Variants in FAM171A1 observed in about 807,000 individuals in gnomAD.
FAM171A1 encodes the protein family with sequence similarity 171 member A1, also known as protein FAM171A1.
A neutral mutation model predicts 74.9 loss-of-function variants in FAM171A1; 23 were observed. The observed-to-expected ratio is 0.31, with a 90% CI of 0.22 to 0.44. FAM171A1 has a LOEUF of 0.44. Among genes scored for constraint, FAM171A1 ranks in the 20% least tolerant of loss-of-function variants. The pLI, the probability that FAM171A1 is intolerant of heterozygous loss-of-function variation, is 1.00. For synonymous variants in FAM171A1, 527 were observed against 505.7 expected (o/e 1.04, Z -0.57); for missense variants, 1,162 against 1,159.2 (o/e 1.00, Z -0.03).
At chr10:15,345,560 T>C (rs1489896022) in intron 1 of FAM171A1, among the ~76,000 whole-genome samples, 5 of 152,064 alleles carry the variant, frequency 3.3e-5, no homozygotes, top group East Asian at 3.9e-4. Context: ...TCAGTGAGGA[T>C]ATCCAGACAA....
intron 1 of FAM171A1, among the ~76,000 whole-genome samples, chr10:15,343,414 C>T (rs543338978): frequency 2.0e-5 from 3 of 152,204 alleles, no homozygotes; most frequent in Non-Finnish European, 2.9e-5. Flanking sequence ...CAATCCAGGG[C>T]GGGAAGTGTC....
intron 5 of FAM171A1, among the ~76,000 whole-genome samples, chr10:15,235,047 C>G (rs944177117): frequency 6.6e-6 from 1 of 152,108 alleles, no homozygotes; most frequent in African/African-American, 2.4e-5. Context: ...TGGTGTCTCA[C>G]GCCTGTAATC....
rs777503257 is a variant in FAM171A1 at position 15,288,813 on chromosome 10, C to CCTTTT, written c.98-4709_98-4708insAAAAG. The stretch of plus-strand genomic sequence containing the variant: ...AAAATGTCAGTATGATTCGGTAATT[C>CCTTTT]TTTTTTTTTTTTTTTTTTTTTTTTT... On this transcript the variant is annotated intron_variant, in intron 1 of 7. Coordinates refer to ENST00000378116, the MANE Select transcript of FAM171A1 (RefSeq NM_001010924.2). Among the ~76,000 whole-genome samples the CCTTTT allele has an allele frequency of 5.0e-3, 369 of 73,688 alleles. 12 individuals are homozygous for CCTTTT. The highest frequency in any genetic ancestry group is 0.016 in the African/African-American group (341 of 20,800). 48.3% of individuals were successfully genotyped at this position (73,688 alleles called of 152,430 possible).
rs553654008 is a variant in FAM171A1 at position 15,354,983 on chromosome 10, T to C, written c.97+15973A>G. 3.3e-5 allele frequency among the ~76,000 whole-genome samples: 5 copies of C among 152,368 alleles called. No homozygotes were observed. In the South Asian group the frequency reaches 1.0e-3, roughly 32 times the overall value. On this transcript the variant is annotated intron_variant, in intron 1 of 7. Transcript: ENST00000378116. The stretch of plus-strand genomic sequence containing the variant: ...TGCTTAGAACTTAACCTTTAAAAGT[T>C]ATGAGAATACTTTGAAGAAATGAGT...
chr10:15,216,482 G>A (rs375031061), intron 6 of FAM171A1, among the ~76,000 whole-genome samples: 1 of 151,796 alleles, frequency 6.6e-6, no homozygotes, highest in South Asian at 2.1e-4. Context: ...CCAGGCTGGA[G>A]CGCAGTGATA....
chr10:15,323,012 C>T (rs1342023816), intron 1 of FAM171A1, among the ~76,000 whole-genome samples: 6 of 151,250 alleles, frequency 4.0e-5, no homozygotes, highest in Non-Finnish European at 7.4e-5. Context: ...TGGTGGTGCA[C>T]GCCTATAATC....
At position 15,214,243 on chromosome 10, in the gene FAM171A1, G is replaced by T. The variant is rs1042428606; in HGVS notation, c.1345C>A (p.Pro449Thr). ...KSQISFDNLT[P>T]SGTLGKDYHK... ...TAGTCTTTCCCCAGCGTCCCACTTGGAGTGAGGTTATCAAAGGAGATCTGG... is the reference window on the plus strand; with the variant it reads ...TAGTCTTTCCCCAGCGTCCCACTTGTAGTGAGGTTATCAAAGGAGATCTGG... The change falls in exon 8 of 8, where the codon CCA becomes ACA. Residue 449 changes from proline (P) to threonine (T), a missense_variant. Transcript: ENST00000378116. 6.2e-7 allele frequency: 1 copy of T among 1,614,146 alleles called. No homozygotes were observed. Among genetic ancestry groups the T allele is most frequent in the Non-Finnish European group, 8.5e-7 (1 of 1,180,006 alleles).
intron 1 of FAM171A1, among the ~76,000 whole-genome samples, chr10:15,310,622 G>A (rs1428470061): frequency 2.6e-5 from 4 of 152,062 alleles, no homozygotes; most frequent in Admixed American, 6.5e-5. Context: ...AGCACTTTGC[G>A]AGGCCAAGGC....
intron 3 of FAM171A1, among the ~76,000 whole-genome samples, chr10:15,264,983 C>T (rs919994268): frequency 4.6e-5 from 7 of 151,832 alleles, no homozygotes; most frequent in South Asian, 4.2e-4. Context: ...TCAATACGAC[C>T]GAGACAAGGA....
chr10:15,216,145 A>G, intron 6 of FAM171A1, 35 bp from the exon 7 acceptor site: 1 of 1,314,412 alleles, frequency 7.6e-7, no homozygotes, highest in Non-Finnish European at 1.1e-6. Context: ...AGAGTTTTGA[A>G]CACCTTTAAC....
At chr10:15,300,919 G>T (rs957109489) in intron 1 of FAM171A1, among the ~76,000 whole-genome samples, 2 of 152,134 alleles carry the variant, frequency 1.3e-5, no homozygotes, top group Non-Finnish European at 2.9e-5. Context: ...TGAGGATCAC[G>T]AAGCGTCTAC....
upstream of FAM171A1, among the ~76,000 whole-genome samples, chr10:15,372,698 C>CAAAAAAAAAAA (rs59712649): frequency 1.1e-5 from 1 of 88,680 alleles, no homozygotes; most frequent in Non-Finnish European, 2.1e-5. Context: ...GACCCCGTCT[C>CAAAAAAAAAAA]AAAAAAAAAA....
At chr10:15,337,998 T>A (rs1018077110) in intron 1 of FAM171A1, among the ~76,000 whole-genome samples, 6 of 152,166 alleles carry the variant, frequency 3.9e-5, no homozygotes, top group African/African-American at 1.4e-4. Context: ...GGCTCAATAA[T>A]CACAGTGCCA....
At chr10:15,269,441 G>C (rs1269627258) in intron 3 of FAM171A1, among the ~76,000 whole-genome samples, 4 of 152,072 alleles carry the variant, frequency 2.6e-5, no homozygotes, top group Non-Finnish European at 4.4e-5. Flanking sequence ...AGATGGAATA[G>C]TATGCTCTTA....
intron 5 of FAM171A1, among the ~76,000 whole-genome samples, chr10:15,222,731 G>A (rs1834054359): frequency 1.3e-5 from 2 of 152,244 alleles, no homozygotes; most frequent in African/African-American, 4.8e-5. Flanking sequence ...TGCAGTGGGT[G>A]GAAAGATGCC....
rs185477447 is a variant in FAM171A1, at chr10:15,217,920, C to T, written c.872-1810G>A. On this transcript the variant is annotated intron_variant, in intron 6 of 7. Transcript: ENST00000378116. The stretch of plus-strand genomic sequence containing the variant: ...TGCTGGGATTACAGGCATGAGCCAC[C>T]GCACCCGGCCCAGAGAAACAATTTT... Among the ~76,000 whole-genome samples, 345 of 152,144 alleles carry T rather than the reference C, an allele frequency of 2.3e-3. 3 individuals are homozygous for T. Among genetic ancestry groups the T allele is most frequent in the African/African-American group, 7.7e-3 (321 of 41,516 alleles).
chr10:15,297,936 T>C (rs1484452683), intron 1 of FAM171A1, among the ~76,000 whole-genome samples: 1 of 152,142 alleles, frequency 6.6e-6, no homozygotes, highest in Non-Finnish European at 1.5e-5. Flanking sequence ...TTTAGGGAAA[T>C]ATACCAGGAT....
At chr10:15,236,916 A>G (rs1243747203) in intron 5 of FAM171A1, among the ~76,000 whole-genome samples, 1 of 152,090 alleles carries the variant, frequency 6.6e-6, no homozygotes, top group Non-Finnish European at 1.5e-5. Context: ...ACATGGTGAT[A>G]CCCCCATCTC....
chr10:15,373,759 T>A (rs972830039), upstream of FAM171A1, among the ~76,000 whole-genome samples: 1 of 152,218 alleles, frequency 6.6e-6, no homozygotes, highest in Non-Finnish European at 1.5e-5. Flanking sequence ...TCCCATTCTA[T>A]GCCATTTTTC....
Sources: allele counts gnomAD v4.1 joint callset (sites outside exome capture counted in the v4.1 genomes callset), GRCh38; gene constraint gnomAD v4.1.1; transcripts MANE v1.5; gene names NCBI Gene and HGNC (gene_info 2026-07-23, HGNC 2026-07-21).